Variants in WDR64 observed in about 807,000 individuals in gnomAD.
WDR64 encodes the protein WD repeat domain 64, also known as WD repeat-containing protein 64.
In WDR64, 112 loss-of-function variants were observed where a neutral mutation model predicts 139.3. That is an observed-to-expected ratio of 0.80 (90% CI 0.69 to 0.94). WDR64 has a LOEUF of 0.94. Among genes scored for constraint, WDR64 ranks in the 40% least tolerant of loss-of-function variants. The pLI, the probability that WDR64 is intolerant of heterozygous loss-of-function variation, is 0.00. For missense variants in WDR64, 1,206 were observed against 1,293.1 expected, an observed-to-expected ratio of 0.93 and a Z score of 1.03; for synonymous variants, 444 against 437.7, an observed-to-expected ratio of 1.01 and a Z score of -0.18.
At chr1:241,790,123 G>C (rs1172193709) in intron 24 of WDR64, among the ~76,000 whole-genome samples, 1 of 152,124 alleles carries the variant, frequency 6.6e-6, no homozygotes. Flanking sequence ...GGCTGAGGCA[G>C]GCAGATCACT....
At chr1:241,771,991 C>G (rs369140620) in intron 19 of WDR64, among the ~76,000 whole-genome samples, 113 of 84,736 alleles carry the variant, frequency 1.3e-3, no homozygotes, top group Admixed American at 3.4e-3. Flanking sequence ...TATATATATT[C>G]TTTTTGGAAC....
At chr1:241,667,590 C>T (rs1458922258) in intron 2 of WDR64, among the ~76,000 whole-genome samples, 1 of 152,126 alleles carries the variant, frequency 6.6e-6, no homozygotes, top group African/African-American at 2.4e-5. Context: ...TGATGGGGGA[C>T]TTGAAGTTCC....
chr1:241,758,181 T>C (rs1002057408), intron 15 of WDR64, among the ~76,000 whole-genome samples: 2 of 152,218 alleles, frequency 1.3e-5, no homozygotes, highest in Non-Finnish European at 2.9e-5. Context: ...GAAGTTCCGC[T>C]GTACTTCCTG....
intron 25 of WDR64, 93 bp from the exon 26 acceptor site, chr1:241,795,114 C>A (rs577686158): frequency 6.7e-6 from 7 of 1,048,762 alleles, no homozygotes; most frequent in Non-Finnish European, 1.0e-5. Flanking sequence ...GATCACACAT[C>A]TAATAAGTGA....
chr1:241,729,724 T>C (rs1317444795), intron 10 of WDR64, among the ~76,000 whole-genome samples: 2 of 152,198 alleles, frequency 1.3e-5, no homozygotes, highest in African/African-American at 2.4e-5. Flanking sequence ...GAAATAAACC[T>C]GGAGATAGAA....
At chr1:241,745,489 A>C (rs1458498116) in intron 13 of WDR64, among the ~76,000 whole-genome samples, 2 of 144,490 alleles carry the variant, frequency 1.4e-5, no homozygotes, top group African/African-American at 5.9e-5. Context: ...AAGCAATTCA[A>C]TATATGACTG....
In WDR64 at chr1:241,674,707, C is replaced by T. The variant is rs1212140804; in HGVS notation, c.443C>T (p.Thr148Ile). Residue 148 changes from threonine to isoleucine, a missense_variant, in exon 4 of 28, where the codon ACA (threonine) becomes ATA (isoleucine). Physicochemically the swap from Thr to Ile is moderately conservative, Grantham distance 89 (BLOSUM62 -1). Coordinates refer to ENST00000437684, the MANE Select transcript of WDR64 (RefSeq NM_001367482.1). ...VKIPHLDLLI[T>I]ATQKGLITVF... ...ATACCTCACCTGGATTTACTAATAA[C>T]AGCTACTCAGAAAGGATTAATAACA... 9.7e-6 allele frequency: 15 copies of T among 1,550,034 alleles called. No homozygotes were observed. Among genetic ancestry groups the T allele is most frequent in the Non-Finnish European group, 1.2e-5 (14 of 1,146,010 alleles).
In WDR64 at chr1:241,787,924, A is replaced by G. The variant is rs1659100020; in HGVS notation, c.2781A>G (p.Arg927=). 6.2e-7 allele frequency: 1 copy of G among 1,613,072 alleles called. No homozygotes were observed. Among genetic ancestry groups the G allele is most frequent in the Non-Finnish European group, 8.5e-7 (1 of 1,179,664 alleles). ...GGCTCTTTGAATTATCACAGACAAG[A>G]GATTTCATTTTGCCTTGTGATGTTA... The part of the protein sequence containing the change: ...QRRLFELSQT[R]DFILPCDVTE... The change falls in exon 24 of 28, where the codon AGA becomes AGG. Residue 927 remains arginine (R), a synonymous_variant. Coordinates refer to ENST00000437684, the MANE Select transcript of WDR64 (RefSeq NM_001367482.1).
At position 241,798,872 on chromosome 1, in the gene WDR64, A is replaced by G. The variant is rs967691990; in HGVS notation, c.3193-2260A>G. Among the ~76,000 whole-genome samples the G allele has an allele frequency of 5.3e-5, 8 of 152,304 alleles. No individual in the cohort carries two copies. In the South Asian group the frequency reaches 1.0e-3, roughly 20 times the overall value. Reference sequence around the variant, plus strand: ...AGAATTAAACAACACATTATAAAATATTAACCATGGTACAACAAAAGATAA... The same window carrying G: ...AGAATTAAACAACACATTATAAAATGTTAACCATGGTACAACAAAAGATAA... On this transcript the variant is annotated intron_variant, in intron 27 of 27. Coordinates refer to ENST00000437684, the MANE Select transcript of WDR64 (RefSeq NM_001367482.1).
chr1:241,710,065 G>T (rs1488756012), intron 8 of WDR64, among the ~76,000 whole-genome samples: 2 of 142,362 alleles, frequency 1.4e-5, no homozygotes, highest in Non-Finnish European at 3.1e-5. Flanking sequence ...AAAAAGAAAA[G>T]AAAAAAAAAA....
intron 2 of WDR64, among the ~76,000 whole-genome samples, chr1:241,670,100 C>T (rs899516584): frequency 3.3e-5 from 5 of 152,022 alleles, no homozygotes; most frequent in African/African-American, 4.8e-5. Flanking sequence ...TTTTTAAGTT[C>T]GCTCATTAAT....
intron 18 of WDR64, 106 bp downstream of exon 18, chr1:241,770,796 T>A: frequency 9.9e-7 from 1 of 1,014,988 alleles, no homozygotes; most frequent in Non-Finnish European, 1.4e-6. Context: ...AAGGTAACAG[T>A]GGAAGAATTC....
chr1:241,784,953 G>GGAAAAAAAAAAAAAAAAAAAAAAAAAAA (rs766802128), intron 23 of WDR64, among the ~76,000 whole-genome samples: 4 of 62,250 alleles, frequency 6.4e-5, no homozygotes, highest in Admixed American at 2.3e-4. Context: ...GACTCTGTCT[G>GGAAAAAAAAAAAAAAAAAAAAAAAAAAA]AAAAAAAAAA....
intron 22 of WDR64, among the ~76,000 whole-genome samples, chr1:241,782,029 G>A (rs1658862852): frequency 2.0e-5 from 3 of 152,232 alleles, no homozygotes; most frequent in Admixed American, 2.0e-4. Context: ...GCTCACGCCT[G>A]TAATCCCAGC....
intron 10 of WDR64, among the ~76,000 whole-genome samples, chr1:241,732,957 C>T (rs775253769): frequency 1.3e-5 from 2 of 152,262 alleles, no homozygotes; most frequent in East Asian, 1.9e-4. Context: ...ACCCTCACTT[C>T]GGGTACACAC....
Position 241,653,842 on chromosome 1 carries a change from GCCAAAGTCAC to G in WDR64, c.145+1218_145+1227del, listed in dbSNP as rs1375702068. ...TTACAGGTGTGAGCCACCGTGCCCG[GCCAAAGTCAC>G]CCAACTTCTAAGTGTTAAAGCTAAG... On this transcript the variant is annotated intron_variant, in intron 1 of 27. Coordinates refer to ENST00000437684, the MANE Select transcript of WDR64 (RefSeq NM_001367482.1). 2.0e-5 allele frequency among the ~76,000 whole-genome samples: 3 copies of G among 152,270 alleles called. No homozygotes were observed. The East Asian group carries it at 5.8e-4, about 29-fold the overall frequency.
chr1:241,715,850 T>C (rs957763779), intron 9 of WDR64, among the ~76,000 whole-genome samples: 2 of 152,182 alleles, frequency 1.3e-5, no homozygotes, highest in South Asian at 2.1e-4. Flanking sequence ...GTTTTAGGAC[T>C]TAAACCACTT....
chr1:241,702,927 A>C (rs918528604), intron 8 of WDR64, among the ~76,000 whole-genome samples: 2 of 152,132 alleles, frequency 1.3e-5, no homozygotes, highest in South Asian at 4.1e-4. Context: ...TTGTTATCTT[A>C]TTCTTTATGG....
rs56389445 is a variant in WDR64 at position 241,734,362 on chromosome 1, C to T, written c.1195-4001C>T. Among the ~76,000 whole-genome samples the T allele has an allele frequency of 9.1e-3, 1,379 of 152,150 alleles. 24 individuals are homozygous for T. The highest frequency in any genetic ancestry group is 0.03 in the African/African-American group (1,266 of 41,516). On this transcript the variant is annotated intron_variant, in intron 10 of 27. Transcript: ENST00000437684. ...GTGAGGCTATGTCATGGGCGTGTGT[C>T]CTCAACCTTGGCAAAATAAACTTTC... is the stretch of plus-strand genomic sequence containing the variant.
Sources: allele counts gnomAD v4.1 joint callset (sites outside exome capture counted in the v4.1 genomes callset), GRCh38; gene constraint gnomAD v4.1.1; transcripts MANE v1.5; gene names NCBI Gene and HGNC (gene_info 2026-07-23, HGNC 2026-07-21).